MARCHF1: variants seen among roughly 807,000 people sequenced by gnomAD.
MARCHF1 encodes the protein E3 ubiquitin-protein ligase MARCHF1.
Under a neutral mutation model 54.2 loss-of-function variants are expected in MARCHF1, and 40 were observed. The observed-to-expected ratio is 0.74, with a 90% CI of 0.57 to 0.96. The LOEUF is 0.96. MARCHF1 is among the 40% of genes least tolerant of loss of function. MARCHF1 has a pLI of 0.00. For missense variants in MARCHF1, 586 were observed against 656.5 expected, an observed-to-expected ratio of 0.89 and a Z score of 1.17; for synonymous variants, 236 against 236.3, an observed-to-expected ratio of 1.00 and a Z score of 0.01.
chr4:164,102,085 G>A (rs1318686943), intron 2 of MARCHF1, among the ~76,000 whole-genome samples: 12 of 101,622 alleles, frequency 1.2e-4, no homozygotes, highest in Non-Finnish European at 2.5e-4. Context: ...AAAGAAATGA[G>A]CAAAGCCTCC....
rs771610384 is a variant in MARCHF1 at position 163,528,831 on chromosome 4, C to T, written c.1555G>A (p.Ala519Thr). The T allele has an allele frequency of 1.2e-6, 2 of 1,613,242 alleles. No homozygotes were observed. Among genetic ancestry groups the T allele is most frequent in the Admixed American group, 3.3e-5 (2 of 59,886 alleles). The change falls in exon 10 of 10, where the codon GCT (alanine) becomes ACT (threonine). Residue 519 changes from alanine (A) to threonine (T), a missense_variant. Physicochemically the swap from Ala to Thr is moderately conservative, Grantham distance 58 (BLOSUM62 0). This residue lies in a region of MARCHF1 where 106 missense variants were observed against 93.8 expected (regional missense o/e 1.13). Coordinates refer to ENST00000514618, the MANE Select transcript of MARCHF1 (RefSeq NM_001394959.1). ...SCNVNTDIKD[A>T]VVVPVPQTGA... ...GTTTGTGGTACAGGCACTACCACAG[C>T]ATCTTTGATGTCTGTGTTTACATTA...
rs55924377 is a variant in MARCHF1, at chr4:164,055,443, C to CA, written c.-248+56144dup. ...TGGATGAGAGAGTGACACCCTGTCTCAAAAAAAAAAAAAAAAATTAGGAAT... is the reference window on the plus strand; with the variant it reads ...TGGATGAGAGAGTGACACCCTGTCTCAAAAAAAAAAAAAAAAAATTAGGAAT... On this transcript the variant is annotated intron_variant, in intron 2 of 9. Coordinates refer to ENST00000514618, the MANE Select transcript of MARCHF1 (RefSeq NM_001394959.1). 3.5e-3 allele frequency among the ~76,000 whole-genome samples: 480 copies of CA among 138,998 alleles called. 2 individuals carry two copies. Among genetic ancestry groups the CA allele is most frequent in the Middle Eastern group, 7.6e-3 (2 of 262 alleles). The allele number at this position is 138,998 out of a possible 152,430, so 91.2% of individuals were successfully genotyped here.
At chr4:163,585,162 C>T (rs1740366182) in intron 8 of MARCHF1, 1 of 152,182 alleles carries the variant, frequency 6.6e-6, no homozygotes, top group Non-Finnish European at 1.5e-5. Flanking sequence ...ACAAAATACA[C>T]TTACCTCTCT....
chr4:164,317,323 G>A (rs777761012), intron 1 of MARCHF1, among the ~76,000 whole-genome samples: 5 of 152,138 alleles, frequency 3.3e-5, no homozygotes, highest in Non-Finnish European at 7.4e-5. Flanking sequence ...CAAGACAGAA[G>A]TTTAATTCTC....
At chr4:164,343,377 A>T (rs1018667727) in intron 1 of MARCHF1, among the ~76,000 whole-genome samples, 1 of 152,204 alleles carries the variant, frequency 6.6e-6, no homozygotes, top group Non-Finnish European at 1.5e-5. Flanking sequence ...TCAGTTAAAG[A>T]GTTTCTGCAG....
intron 5 of MARCHF1, among the ~76,000 whole-genome samples, chr4:163,654,569 C>A (rs1216375714): frequency 6.6e-6 from 1 of 151,522 alleles, no homozygotes; most frequent in Non-Finnish European, 1.5e-5. Context: ...ATTAAGAGAT[C>A]TTTTGGGTGA....
intron 8 of MARCHF1, among the ~76,000 whole-genome samples, chr4:163,551,518 G>T (rs1276044157): frequency 1.3e-5 from 2 of 152,194 alleles, no homozygotes; most frequent in East Asian, 3.8e-4. Context: ...AAACAACAAA[G>T]CCAGGTAGGT....
intron 3 of MARCHF1, among the ~76,000 whole-genome samples, chr4:163,968,312 A>G (rs1292374049): frequency 6.6e-6 from 1 of 152,122 alleles, no homozygotes; most frequent in African/African-American, 2.4e-5. Context: ...ACTTAAAGAC[A>G]CTCATGCTAC....
chr4:163,733,220 T>TATATATATATAC (rs767728359), intron 4 of MARCHF1, among the ~76,000 whole-genome samples: 1 of 29,668 alleles, frequency 3.4e-5, no homozygotes, highest in African/African-American at 8.2e-5. Context: ...TATATATATA[T>TATATATATATAC]ACACGTGTAT....
At chr4:164,230,188 G>A (rs1207175872) in intron 1 of MARCHF1, among the ~76,000 whole-genome samples, 2 of 152,224 alleles carry the variant, frequency 1.3e-5, no homozygotes, top group East Asian at 1.9e-4. Flanking sequence ...CTGAGGTCAG[G>A]AGTTTGAGAC....
At chr4:164,093,156 T>C in intron 2 of MARCHF1, among the ~76,000 whole-genome samples, 1 of 152,172 alleles carries the variant, frequency 6.6e-6, no homozygotes, top group East Asian at 1.9e-4. Context: ...TTTTTCCTCT[T>C]TCTTTCTCCT....
At chr4:164,238,510 T>G (rs1231414973) in intron 1 of MARCHF1, among the ~76,000 whole-genome samples, 1 of 152,068 alleles carries the variant, frequency 6.6e-6, no homozygotes. Context: ...ATGTAGTAAA[T>G]TTATATTTAT....
chr4:163,558,596 G>C lies in MARCHF1; in HGVS notation c.1192-12853C>G, dbSNP rs1054502564. ...CTGAGGGACAGCCCGTATAGAGAGAGTCTGCAGAAACAGGACGATGAGCTG... is the reference window on the plus strand; with the variant it reads ...CTGAGGGACAGCCCGTATAGAGAGACTCTGCAGAAACAGGACGATGAGCTG... On this transcript the variant is annotated intron_variant, in intron 8 of 9. Transcript: ENST00000514618. 5.9e-5 allele frequency among the ~76,000 whole-genome samples: 9 copies of C among 152,344 alleles called. No individual in the cohort carries two copies. The East Asian group carries it at 1.4e-3, about 23-fold the overall frequency.
At chr4:163,686,900 T>C (rs1744284367) in intron 5 of MARCHF1, among the ~76,000 whole-genome samples, 2 of 152,356 alleles carry the variant, frequency 1.3e-5, no homozygotes, top group South Asian at 4.1e-4. Flanking sequence ...CATCTTGTTA[T>C]GTTCTCAGAA....
intron 1 of MARCHF1, chr4:164,188,527 G>A: frequency 1.4e-6 from 1 of 714,828 alleles, no homozygotes; most frequent in Non-Finnish European, 2.6e-6. Context: ...CCGGCTGCGT[G>A]GAGATCACCG....
chr4:163,920,804 AT>A (rs1751413547), intron 3 of MARCHF1, among the ~76,000 whole-genome samples: 2 of 152,204 alleles, frequency 1.3e-5, no homozygotes, highest in African/African-American at 4.8e-5. Flanking sequence ...TTTTGCTAAA[AT>A]AAATCTGAAA....
intron 4 of MARCHF1, among the ~76,000 whole-genome samples, chr4:163,804,094 T>C (rs995726141): frequency 2.0e-5 from 3 of 152,216 alleles, no homozygotes; most frequent in Admixed American, 1.3e-4. Context: ...TAGATCACAG[T>C]GAAATGATCT....
intron 1 of MARCHF1, among the ~76,000 whole-genome samples, chr4:164,143,927 C>A (rs1729582975): frequency 6.6e-6 from 1 of 152,142 alleles, no homozygotes; most frequent in Non-Finnish European, 1.5e-5. Flanking sequence ...TCATGAAACC[C>A]ATCTCACGTG....
chr4:163,862,723 A>C (rs1033123954), intron 3 of MARCHF1, among the ~76,000 whole-genome samples: 1 of 152,094 alleles, frequency 6.6e-6, no homozygotes, highest in Non-Finnish European at 1.5e-5. Flanking sequence ...CTATTTACCC[A>C]ACTGATTTTT....
Sources: gnomAD v4.1 joint callset for allele counts (sites outside exome capture counted in the v4.1 genomes callset) on GRCh38, gnomAD v4.1.1 for gene constraint, gnomAD v4.1.1 regional missense constraint, MANE v1.5 for transcripts, NCBI Gene and HGNC (gene_info 2026-07-23, HGNC 2026-07-21) for gene names.